The following UEVLD variants were observed in gnomAD, a reference collection of about 807,000 sequenced individuals.
UEVLD encodes the protein ubiquitin-conjugating enzyme E2 variant 3.
UEVLD carries 47 observed loss-of-function variants against 58.6 expected under a neutral mutation model. The observed-to-expected ratio is 0.80, with a 90% CI of 0.63 to 1.02. UEVLD has a LOEUF of 1.02. Among genes scored for constraint, UEVLD ranks in the 50% least tolerant of loss-of-function variants. The pLI, the probability that UEVLD is intolerant of heterozygous loss-of-function variation, is 0.00. For synonymous variants in UEVLD, 197 were observed against 195.3 expected (o/e 1.01, Z -0.07); for missense variants, 510 against 550.6 (o/e 0.93, Z 0.74).
intron 1 of UEVLD, among the ~76,000 whole-genome samples, chr11:18,585,066 A>G (rs1853470582): frequency 6.6e-6 from 1 of 151,948 alleles, no homozygotes; most frequent in African/African-American, 2.4e-5. Context: ...TTTTCTTTTT[A>G]AAAAAATTGA....
At chr11:18,537,068 G>A (rs1006949370) in intron 9 of UEVLD, among the ~76,000 whole-genome samples, 10 of 150,636 alleles carry the variant, frequency 6.6e-5, no homozygotes, top group Admixed American at 6.6e-4. Context: ...GCTAATTTTT[G>A]TGTGTGTGTG....
Position 18,534,349 on chromosome 11 carries a change from G to A in UEVLD, c.1229C>T (p.Ser410Phe). 1.3e-6 allele frequency: 2 copies of A among 1,548,692 alleles called. No individual in the cohort carries two copies. The highest frequency in any genetic ancestry group is 2.6e-5 in the South Asian group (2 of 78,064). The change falls in exon 11 of 12, where the codon TCT becomes TTT. Residue 410 changes from serine to phenylalanine, a missense_variant. Transcript: ENST00000396197. ...AATTACCTTTGCTAAAGCTGATACAGAATGCACTTTCTTCTTATTGTTTAC... is the reference window on the plus strand; with the variant it reads ...AATTACCTTTGCTAAAGCTGATACAAAATGCACTTTCTTCTTATTGTTTAC... ...SIVNNKKKVH[S>F]VSALAKGYYD...
intron 1 of UEVLD, among the ~76,000 whole-genome samples, chr11:18,583,222 CTTT>C (rs10540605): frequency 7.3e-4 from 89 of 122,176 alleles, no homozygotes; most frequent in East Asian, 2.4e-3. Flanking sequence ...TTGTGCCCAG[CTTT>C]TTTTTTTTTT....
chr11:18,567,533 A>G (rs1157455952), intron 4 of UEVLD, among the ~76,000 whole-genome samples: 1 of 152,226 alleles, frequency 6.6e-6, no homozygotes, highest in East Asian at 1.9e-4. Flanking sequence ...TGGCAAGTAC[A>G]AGAAAATCTG....
chr11:18,545,323 G>A (rs1054242502), intron 8 of UEVLD, among the ~76,000 whole-genome samples: 2 of 151,462 alleles, frequency 1.3e-5, no homozygotes, highest in East Asian at 1.9e-4. Context: ...CACTTGCCTC[G>A]GCCTCCCAAA....
At chr11:18,580,623 G>A (rs1853189521) in intron 1 of UEVLD, among the ~76,000 whole-genome samples, 1 of 145,944 alleles carries the variant, frequency 6.9e-6, no homozygotes, top group South Asian at 2.1e-4. Context: ...CCTGCCTCTG[G>A]TCTTGGACAA....
intron 9 of UEVLD, among the ~76,000 whole-genome samples, chr11:18,537,025 A>G (rs2133956501): frequency 6.6e-6 from 1 of 150,524 alleles, no homozygotes. Context: ...CCTCCCGAGT[A>G]GCTGGTACTA....
At chr11:18,555,344 T>G (rs1454425638) in intron 7 of UEVLD, among the ~76,000 whole-genome samples, 2 of 151,708 alleles carry the variant, frequency 1.3e-5, no homozygotes, top group Admixed American at 1.3e-4. Flanking sequence ...GAGAATGGTG[T>G]GAACCCGGGA....
At chr11:18,538,420 G>A (rs1188343235) in intron 9 of UEVLD, among the ~76,000 whole-genome samples, 1 of 151,788 alleles carries the variant, frequency 6.6e-6, no homozygotes, top group Non-Finnish European at 1.5e-5. Context: ...GGGATTACAG[G>A]TGTGCGCCTC....
At chr11:18,548,726 T>TA (rs1414759046) in intron 7 of UEVLD, among the ~76,000 whole-genome samples, 2 of 152,130 alleles carry the variant, frequency 1.3e-5, no homozygotes, top group African/African-American at 4.8e-5. Flanking sequence ...CGCACCTGGC[T>TA]AGGCCATCTT....
intron 3 of UEVLD, among the ~76,000 whole-genome samples, chr11:18,574,384 C>T (rs1449287135): frequency 6.6e-6 from 1 of 152,174 alleles, no homozygotes; most frequent in African/African-American, 2.4e-5. Flanking sequence ...GTGATCTGCC[C>T]ACCTAGGCCT....
intron 4 of UEVLD, among the ~76,000 whole-genome samples, chr11:18,568,158 T>C (rs1273070173): frequency 6.6e-6 from 1 of 152,194 alleles, no homozygotes; most frequent in Admixed American, 6.5e-5. Flanking sequence ...AAAAAGAGAC[T>C]AGTTTTAGCT....
In UEVLD at chr11:18,536,465, G is replaced by C. The variant is rs1428135394; in HGVS notation, c.1065C>G (p.Leu355=). The C allele has an allele frequency of 6.2e-7, 1 of 1,613,142 alleles. No individual in the cohort carries two copies. Among genetic ancestry groups the C allele is most frequent in the East Asian group, 2.2e-5 (1 of 44,872 alleles). Reference sequence around the variant, plus strand: ...CTACTTCTTCTTGGCCACTCCATGTGAGCACTAAAATTAGATGAAGAATTA... The same window carrying C: ...CTACTTCTTCTTGGCCACTCCATGTCAGCACTAAAATTAGATGAAGAATTA... The part of the protein sequence containing the change: ...VIGEQGEDKV[L]TWSGQEEVVS... The change falls in exon 10 of 12, where the codon CTC becomes CTG. Residue 355 remains leucine, a synonymous_variant. Coordinates refer to ENST00000396197, the MANE Select transcript of UEVLD (RefSeq NM_001040697.4).
chr11:18,574,616 T>C (rs561174820), intron 3 of UEVLD, among the ~76,000 whole-genome samples: 1 of 152,328 alleles, frequency 6.6e-6, no homozygotes, highest in African/African-American at 2.4e-5. Context: ...TGGGAAGAGT[T>C]AAGTGTAAGA....
chr11:18,544,712 T>C lies in UEVLD; in HGVS notation c.971A>G (p.Gln324Arg). Reference sequence around the variant, plus strand: ...ATTTGTAATAATATACTGTAATCTCTGTGAATCCAGATTACATCCAATTCC... The same window carrying C: ...ATTTGTAATAATATACTGTAATCTCCGTGAATCCAGATTACATCCAATTCC... ...VIGIGCNLDS[Q>R]RLQYIITNVL... The change falls in exon 9 of 12, where the codon CAG becomes CGG. Residue 324 changes from glutamine (Q) to arginine (R), a missense_variant. Physicochemically the swap from Gln to Arg is conservative, Grantham distance 43 (BLOSUM62 1). Coordinates refer to ENST00000396197, the MANE Select transcript of UEVLD (RefSeq NM_001040697.4). 1 of 1,585,220 alleles carries C rather than the reference T, an allele frequency of 6.3e-7. No homozygotes were observed. Among genetic ancestry groups the C allele is most frequent in the Non-Finnish European group, 8.5e-7 (1 of 1,170,462 alleles).
At chr11:18,585,771 G>A (rs1159609187) in intron 1 of UEVLD, among the ~76,000 whole-genome samples, 2 of 151,950 alleles carry the variant, frequency 1.3e-5, no homozygotes, top group African/African-American at 2.4e-5. Context: ...CCAAGTAGCT[G>A]GGGTTACAGG....
chr11:18,553,430 G>A (rs1851620556), intron 7 of UEVLD, among the ~76,000 whole-genome samples: 1 of 152,060 alleles, frequency 6.6e-6, no homozygotes, highest in African/African-American at 2.4e-5. Context: ...TATATGTACT[G>A]TTAATAAACA....
chr11:18,582,447 AC>A (rs1853294441), intron 1 of UEVLD, among the ~76,000 whole-genome samples: 1 of 139,060 alleles, frequency 7.2e-6, no homozygotes, highest in Non-Finnish European at 1.5e-5. Context: ...TCACTATGTC[AC>A]CCAGGCTGGA....
chr11:18,557,090 C>CAA (rs550382014), intron 7 of UEVLD, among the ~76,000 whole-genome samples: 21 of 83,304 alleles, frequency 2.5e-4, no homozygotes, highest in African/African-American at 7.7e-4. Flanking sequence ...AACCCCGACT[C>CAA]AAAAAAAAAA....
Sources: allele counts gnomAD v4.1 joint callset (sites outside exome capture counted in the v4.1 genomes callset), GRCh38; gene constraint gnomAD v4.1.1; transcripts MANE v1.5; gene names NCBI Gene and HGNC (gene_info 2026-07-23, HGNC 2026-07-21).